TMEM232: variants seen among roughly 807,000 people sequenced by gnomAD.
The protein encoded by TMEM232 is transmembrane protein 232.
Under a neutral mutation model 78.8 loss-of-function variants are expected in TMEM232, and 80 were observed. The observed-to-expected ratio is 1.01, with a 90% CI of 0.85 to 1.22. The LOEUF is 1.22. TMEM232 is among the 50% of genes most tolerant of loss of function. The probability of loss-of-function intolerance (pLI) is 0.00; values close to 1 mark genes in which losing one functional copy is unlikely to be tolerated. For missense variants in TMEM232, 881 were observed against 742.2 expected, an observed-to-expected ratio of 1.19 and a Z score of -2.17; for synonymous variants, 297 against 254.3, an observed-to-expected ratio of 1.17 and a Z score of -1.60.
At chr5:110,567,345 G>T (rs896752148) in intron 11 of TMEM232, among the ~76,000 whole-genome samples, 1 of 150,686 alleles carries the variant, frequency 6.6e-6, no homozygotes, top group East Asian at 2.0e-4. Context: ...TATTAAACAT[G>T]GTTATAGCAT....
chr5:110,549,666 T>A (rs1774224846), intron 11 of TMEM232, among the ~76,000 whole-genome samples: 1 of 142,070 alleles, frequency 7.0e-6, no homozygotes, highest in Admixed American at 6.9e-5. Flanking sequence ...AATGACAGAT[T>A]AAAATAAGAA....
chr5:110,635,424 CA>C, intron 5 of TMEM232, among the ~76,000 whole-genome samples: 1 of 151,842 alleles, frequency 6.6e-6, no homozygotes, highest in East Asian at 1.9e-4. Flanking sequence ...ACATAGACTC[CA>C]AAAACCTCAA....
chr5:110,712,620 CG>C (rs1796607917), intron 1 of TMEM232, among the ~76,000 whole-genome samples: 1 of 152,112 alleles, frequency 6.6e-6, no homozygotes, highest in South Asian at 2.1e-4. Flanking sequence ...ATGGAAAGAA[CG>C]TCCCCTTTGT....
At chr5:110,460,476 G>C (rs1458119991) in intron 12 of TMEM232, among the ~76,000 whole-genome samples, 1 of 151,966 alleles carries the variant, frequency 6.6e-6, no homozygotes, top group African/African-American at 2.4e-5. Flanking sequence ...AAAAATATTT[G>C]CATTAAGATG....
At chr5:110,681,584 GA>G (rs1347105203) in intron 1 of TMEM232, among the ~76,000 whole-genome samples, 2 of 151,938 alleles carry the variant, frequency 1.3e-5, no homozygotes, top group Non-Finnish European at 2.9e-5. Context: ...ATCTTCATCC[GA>G]AAAAAGGGGG....
intron 2 of TMEM232, among the ~76,000 whole-genome samples, chr5:110,413,271 T>C (rs930994117): frequency 3.9e-5 from 6 of 152,330 alleles, no homozygotes; most frequent in African/African-American, 9.6e-5. Flanking sequence ...CCCTTGAACA[T>C]TGGACTCCAA....
intron 11 of TMEM232, among the ~76,000 whole-genome samples, chr5:110,566,321 T>C (rs1776335054): frequency 6.6e-6 from 1 of 151,940 alleles, no homozygotes; most frequent in Admixed American, 6.6e-5. Context: ...TGGACACATT[T>C]TCCCTTTTGT....
intron 8 of TMEM232, among the ~76,000 whole-genome samples, chr5:110,608,681 A>G (rs1781804313): frequency 6.6e-6 from 1 of 152,056 alleles, no homozygotes; most frequent in Non-Finnish European, 1.5e-5. Context: ...AATGCTGCTG[A>G]TCACAAAATT....
intron 1 of TMEM232, among the ~76,000 whole-genome samples, chr5:110,685,976 G>GT (rs1189579780): frequency 2.6e-5 from 4 of 152,110 alleles, no homozygotes; most frequent in African/African-American, 9.7e-5. Context: ...TATGGGAGGT[G>GT]TAAGGATTGA....
intron 1 of TMEM232, among the ~76,000 whole-genome samples, chr5:110,677,673 G>C (rs1792192083): frequency 6.6e-6 from 1 of 152,138 alleles, no homozygotes; most frequent in Middle Eastern, 3.2e-3. Flanking sequence ...AATATAATTT[G>C]TTTGGGTGTA....
At chr5:110,451,806 T>C (rs1760317750) in intron 12 of TMEM232, among the ~76,000 whole-genome samples, 1 of 152,088 alleles carries the variant, frequency 6.6e-6, no homozygotes, top group Non-Finnish European at 1.5e-5. Flanking sequence ...TGAACATCAC[T>C]TATTATACAT....
In TMEM232 at chr5:110,478,959, C is replaced by T. The variant is rs372868246; in HGVS notation, c.1703+49629G>A. 1.6e-4 allele frequency among the ~76,000 whole-genome samples: 22 copies of T among 141,668 alleles called. No homozygotes were observed. The South Asian group carries it at 4.8e-3, about 31-fold the overall frequency. The allele number at this position is 141,668 out of a possible 152,430, so 92.9% of individuals were successfully genotyped here. ...GGGTTAAGAATAAGGTAGTGAAAAG[C>T]CATGGATTGGTATCCTTGATTGGGA... On this transcript the variant is annotated intron_variant, in intron 12 of 13. Transcript: ENST00000455884.
intron 2 of TMEM232, among the ~76,000 whole-genome samples, chr5:110,643,258 C>T (rs558009498): frequency 6.6e-6 from 1 of 151,988 alleles, no homozygotes; most frequent in South Asian, 2.1e-4. Context: ...TAGTATTGGA[C>T]ATGTTATGTT....
chr5:110,498,910 T>C (rs1345152266), intron 12 of TMEM232, among the ~76,000 whole-genome samples: 1 of 152,176 alleles, frequency 6.6e-6, no homozygotes, highest in Non-Finnish European at 1.5e-5. Context: ...TTGCTAGCTA[T>C]AACTAAAGTC....
chr5:110,499,627 AC>A (rs140788823), intron 12 of TMEM232, among the ~76,000 whole-genome samples: 2,066 of 119,500 alleles, frequency 0.017, 78 homozygotes, highest in African/African-American at 0.088. Context: ...ATATGTATAC[AC>A]CCCCCCCCAC....
intron 4 of TMEM232, among the ~76,000 whole-genome samples, chr5:110,388,464 CTT>C (rs946998428): frequency 5.9e-5 from 9 of 152,118 alleles, no homozygotes; most frequent in Non-Finnish European, 1.2e-4. Context: ...TTACAGGCTG[CTT>C]TTTGTCAGAA....
intron 10 of TMEM232, among the ~76,000 whole-genome samples, chr5:110,588,290 A>G (rs536343786): frequency 3.3e-5 from 5 of 152,282 alleles, no homozygotes; most frequent in Non-Finnish European, 5.9e-5. Context: ...GAAGAATGCC[A>G]TATTTTACTT....
intron 13 of TMEM232, among the ~76,000 whole-genome samples, chr5:110,422,519 C>CAAAAAA (rs34448955): frequency 4.1e-4 from 14 of 34,554 alleles, no homozygotes; most frequent in African/African-American, 1.1e-3. Context: ...GACTCTGTCT[C>CAAAAAA]AAAAAAAAAA....
At chr5:110,614,970 T>C (rs1383452755) in intron 8 of TMEM232, among the ~76,000 whole-genome samples, 3 of 151,972 alleles carry the variant, frequency 2.0e-5, no homozygotes, top group Non-Finnish European at 4.4e-5. Context: ...TGCATTTTAG[T>C]TTCATATTTA....
Sources: gnomAD v4.1 joint callset for allele counts (sites outside exome capture counted in the v4.1 genomes callset) on GRCh38, gnomAD v4.1.1 for gene constraint, MANE v1.5 for transcripts, NCBI Gene and HGNC (gene_info 2026-07-23, HGNC 2026-07-21) for gene names.